The following DENND5A variants were observed in gnomAD, a reference collection of about 807,000 sequenced individuals.
DENND5A encodes DENN domain containing 5A, also known as DENN domain-containing protein 5A.
A neutral mutation model predicts 140.3 loss-of-function variants in DENND5A; 64 were observed. That is an observed-to-expected ratio of 0.46 (90% CI 0.37 to 0.56). DENND5A has a LOEUF of 0.56. DENND5A is among the 20% of genes least tolerant of loss of function. The pLI is 0.00. For missense variants in DENND5A, 1,292 were observed against 1,593.8 expected (o/e 0.81, Z 3.22); for synonymous variants, 605 against 607.7 (o/e 1.00, Z 0.07).
At chr11:9,190,142 C>A (rs539146582) in intron 5 of DENND5A, among the ~76,000 whole-genome samples, 1 of 152,232 alleles carries the variant, frequency 6.6e-6, no homozygotes, top group East Asian at 1.9e-4. Flanking sequence ...TAGGAAGTAA[C>A]TAACTTGCTT....
At chr11:9,153,463 C>G (rs942370798) in intron 12 of DENND5A, among the ~76,000 whole-genome samples, 1 of 151,052 alleles carries the variant, frequency 6.6e-6, no homozygotes, top group Non-Finnish European at 1.5e-5. Flanking sequence ...AGCCTATAAG[C>G]TTCCATCTTA....
intron 10 of DENND5A, among the ~76,000 whole-genome samples, 163 bp downstream of exon 10, chr11:9,169,693 G>A (rs1264564839): frequency 6.6e-6 from 1 of 152,016 alleles, no homozygotes; most frequent in Non-Finnish European, 1.5e-5. Context: ...GATAACCCAG[G>A]CCCAGCATTA....
At chr11:9,165,751 C>G (rs1848167175) in intron 11 of DENND5A, 85 bp downstream of exon 11, 1 of 1,487,244 alleles carries the variant, frequency 6.7e-7, no homozygotes. Context: ...TTTTTAAAAT[C>G]CAGAGGGAGT....
At chr11:9,229,894 CA>C (rs1850689548) in intron 1 of DENND5A, among the ~76,000 whole-genome samples, 2 of 137,364 alleles carry the variant, frequency 1.5e-5, no homozygotes, top group African/African-American at 5.2e-5. Flanking sequence ...TGAAAGCTCC[CA>C]TTTCTTTTTT....
At chr11:9,155,862 T>C (rs896219243) in intron 12 of DENND5A, among the ~76,000 whole-genome samples, 2 of 152,232 alleles carry the variant, frequency 1.3e-5, no homozygotes, top group African/African-American at 4.8e-5. Context: ...TTATGAAGAC[T>C]TGCTGCAGGC....
chr11:9,234,611 C>G (rs1024570030), intron 1 of DENND5A, among the ~76,000 whole-genome samples: 2 of 152,192 alleles, frequency 1.3e-5, no homozygotes, highest in African/African-American at 4.8e-5. Context: ...CTGACGCCCA[C>G]GCTAAAGGTT....
chr11:9,180,662 T>C (rs1271659454), intron 6 of DENND5A, 105 bp downstream of exon 6: 1 of 1,106,158 alleles, frequency 9.0e-7, no homozygotes, highest in African/African-American at 1.6e-5. Context: ...TGCTCACAAA[T>C]ATGAGTTGTC....
At chr11:9,220,064 T>C (rs1400650022) in intron 1 of DENND5A, among the ~76,000 whole-genome samples, 5 of 152,136 alleles carry the variant, frequency 3.3e-5, no homozygotes, top group Admixed American at 6.5e-5. Flanking sequence ...TTTTGTTTTG[T>C]TTTTTCAATT....
intron 10 of DENND5A, among the ~76,000 whole-genome samples, chr11:9,167,843 T>C (rs539595583): frequency 3.9e-5 from 6 of 152,254 alleles, no homozygotes; most frequent in Non-Finnish European, 8.8e-5. Context: ...CATCATTCTC[T>C]AAGGCTTAAA....
At position 9,204,174 on chromosome 11, in the gene DENND5A, C is replaced by A; in HGVS notation, c.435G>T (p.Gln145His). ...AGAGGGTCTGCATTGCACTGCAGATCTGCTTGCTAGTCACCTCTTCATAAA... is the reference window on the plus strand; with the variant it reads ...AGAGGGTCTGCATTGCACTGCAGATATGCTTGCTAGTCACCTCTTCATAAA... ...LTFYEEVTSK[Q>H]ICSAMQTLYH... Residue 145 changes from glutamine (Q) to histidine (H), a missense_variant, in exon 4 of 23, where the codon CAG (glutamine) becomes CAT (histidine). Around this residue, in one of 4 missense-constraint regions of DENND5A, gnomAD observed 566 missense variants for 650.4 expected, o/e 0.87. Coordinates refer to ENST00000328194, the MANE Select transcript of DENND5A (RefSeq NM_015213.4). 2.5e-6 allele frequency: 4 copies of A among 1,614,158 alleles called. No individual in the cohort carries two copies. Among genetic ancestry groups the A allele is most frequent in the Non-Finnish European group, 3.4e-6 (4 of 1,180,026 alleles).
At chr11:9,218,750 A>C (rs1850195869) in intron 1 of DENND5A, among the ~76,000 whole-genome samples, 1 of 152,138 alleles carries the variant, frequency 6.6e-6, no homozygotes, top group Non-Finnish European at 1.5e-5. Flanking sequence ...TCACGCCTGT[A>C]ATCCCAGCAC....
intron 1 of DENND5A, among the ~76,000 whole-genome samples, chr11:9,263,910 G>A (rs1852328088): frequency 2.0e-5 from 3 of 149,572 alleles, no homozygotes; most frequent in Admixed American, 6.6e-5. Context: ...AAACAAAACT[G>A]TCTTGTCATC....
intron 10 of DENND5A, 55 bp downstream of exon 10, chr11:9,169,801 A>G: frequency 9.4e-7 from 1 of 1,064,140 alleles, no homozygotes; most frequent in South Asian, 1.3e-5. Context: ...TGAGAAAGAG[A>G]AGGAGTGCAC....
chr11:9,235,094 T>C (rs180914347), intron 1 of DENND5A, among the ~76,000 whole-genome samples: 66 of 152,272 alleles, frequency 4.3e-4, no homozygotes, highest in Non-Finnish European at 8.1e-4. Flanking sequence ...AAAGTTACTA[T>C]AAAGTTCAGA....
chr11:9,168,496 C>G (rs1407990401), intron 10 of DENND5A, among the ~76,000 whole-genome samples: 1 of 152,084 alleles, frequency 6.6e-6, no homozygotes. Context: ...AACATGAAAA[C>G]AGACTAATAC....
chr11:9,144,788 CAAAA>C (rs112911509), intron 18 of DENND5A, among the ~76,000 whole-genome samples: 1 of 116,356 alleles, frequency 8.6e-6, no homozygotes. Context: ...GACTCCGTCT[CAAAA>C]AAAAAAAAAA....
chr11:9,203,893 G>T lies in DENND5A; in HGVS notation c.716C>A (p.Pro239His). ...AVTSPQPPPL[P>H]LESYIYNVLY... ...TACGTTGTATATGTAGCTCTCAAGG[G>T]GCAGTGGAGGGGGCTGAGGTGAAGT... The change falls in exon 4 of 23, where the codon CCC becomes CAC. Residue 239 changes from proline (P) to histidine (H), a missense_variant. Around this residue, in one of 4 missense-constraint regions of DENND5A, gnomAD observed 566 missense variants for 650.4 expected, o/e 0.87. Transcript: ENST00000328194. The T allele has an allele frequency of 6.2e-7, 1 of 1,614,176 alleles. No homozygotes were observed. Among genetic ancestry groups the T allele is most frequent in the Non-Finnish European group, 8.5e-7 (1 of 1,180,024 alleles).
At chr11:9,221,807 G>C (rs1253456706) in intron 1 of DENND5A, among the ~76,000 whole-genome samples, 1 of 152,056 alleles carries the variant, frequency 6.6e-6, no homozygotes, top group Non-Finnish European at 1.5e-5. Flanking sequence ...ACCCAGGCCG[G>C]AGTACAGTGG....
intron 10 of DENND5A, among the ~76,000 whole-genome samples, chr11:9,166,985 C>T (rs941953345): frequency 1.3e-5 from 2 of 151,948 alleles, no homozygotes; most frequent in Admixed American, 1.3e-4. Context: ...CTCCTCTGCC[C>T]GTATCAAAGA....
Sources: gnomAD v4.1 joint callset for allele counts (sites outside exome capture counted in the v4.1 genomes callset) on GRCh38, gnomAD v4.1.1 for gene constraint, gnomAD v4.1.1 regional missense constraint, MANE v1.5 for transcripts, NCBI Gene and HGNC (gene_info 2026-07-23, HGNC 2026-07-21) for gene names.